The following RERE variants were observed in gnomAD, a reference collection of about 807,000 sequenced individuals.
RERE encodes arginine-glutamic acid dipeptide repeats, also known as arginine-glutamic acid dipeptide repeats protein.
Under a neutral mutation model 146.1 loss-of-function variants are expected in RERE, and 40 were observed. That is an observed-to-expected ratio of 0.27 (90% CI 0.21 to 0.36). The LOEUF (loss-of-function observed/expected upper bound fraction) is 0.36. Ranked by LOEUF, RERE falls within the 10% of genes least tolerant of loss-of-function variation. The pLI is 1.00. For missense variants in RERE, 1,933 were observed against 2,138.7 expected (o/e 0.90, Z 1.90); for synonymous variants, 1,003 against 866.0 (o/e 1.16, Z -2.78).
At chr1:8,620,577 G>A (rs2124214361) in intron 3 of RERE, among the ~76,000 whole-genome samples, 1 of 152,022 alleles carries the variant, frequency 6.6e-6, no homozygotes, top group South Asian at 2.1e-4. Flanking sequence ...ATGAAATTTG[G>A]CTCAATTAAT....
rs891021913 is a variant in RERE, at chr1:8,423,791, G to C, written c.1204-984C>G. On this transcript the variant is annotated intron_variant, in intron 11 of 22. Coordinates refer to ENST00000400908, the MANE Select transcript of RERE (RefSeq NM_001042681.2). The surrounding 1 kb of genome is among the most constrained non-coding windows in gnomAD (Gnocchi z 5.4). ...CTGACGGGGGAGGAGGCAGGAGCGC[G>C]GCGCGCAGAGCCCGGCGCGGCCGCG... 2 of 697,972 alleles carry C rather than the reference G, an allele frequency of 2.9e-6. No homozygotes were observed. The highest frequency in any genetic ancestry group is 3.5e-6 in the Non-Finnish European group (2 of 570,736). The allele number at this position is 697,972 out of a possible 1,614,324, so 43.2% of individuals were successfully genotyped here.
At chr1:8,631,284 C>T (rs907397096) in intron 2 of RERE, among the ~76,000 whole-genome samples, 1 of 152,186 alleles carries the variant, frequency 6.6e-6, no homozygotes, top group African/African-American at 2.4e-5. Context: ...CCTGTAATTC[C>T]AGCACTTTGG....
intron 12 of RERE, among the ~76,000 whole-genome samples, chr1:8,393,280 TC>T (rs1171247569): frequency 6.6e-6 from 1 of 152,202 alleles, no homozygotes; most frequent in East Asian, 1.9e-4. Context: ...ATACAACAGT[TC>T]TTATTTCCGC....
rs1460439075 is a variant in RERE at position 8,817,639 on chromosome 1, C to A, written c.-624G>T. The A allele has an allele frequency of 6.6e-6, 1 of 151,072 alleles. No homozygotes were observed. Among genetic ancestry groups the A allele is most frequent in the African/African-American group, 2.4e-5 (1 of 41,252 alleles). The allele number at this position is 151,072 out of a possible 1,614,324, so 9.4% of individuals were successfully genotyped here. ...AGCGCGGAGGGTTGCTCGCGAGCGT[C>A]TGTGGGAACAGCGGCACCTCCGCGA... On this transcript the variant is annotated 5_prime_UTR_variant, in exon 1 of 23. Coordinates refer to ENST00000400908, the MANE Select transcript of RERE (RefSeq NM_001042681.2).
At chr1:8,701,330 A>ACT in intron 1 of RERE, among the ~76,000 whole-genome samples, 1 of 126,224 alleles carries the variant, frequency 7.9e-6, no homozygotes, top group Admixed American at 7.8e-5. Context: ...ACACGCACAC[A>ACT]CTCCCTCCCT....
chr1:8,355,557 G>C lies in RERE; in HGVS notation c.4529C>G (p.Pro1510Arg). The C allele has an allele frequency of 1.2e-6, 2 of 1,605,160 alleles. No homozygotes were observed. Among genetic ancestry groups the C allele is most frequent in the Non-Finnish European group, 1.7e-6 (2 of 1,175,110 alleles). The change falls in exon 22 of 23, where the codon CCC becomes CGC. Residue 1510 changes from proline to arginine, a missense_variant. Coordinates refer to ENST00000400908, the MANE Select transcript of RERE (RefSeq NM_001042681.2). ...CTGCAGCTGGTGGGCTGCTGACATG[G>C]GGGGTGGGATGGCCCCAGGCAGGTC... ...PRDLPGAIPP[P>R]MSAAHQLQAM... is the part of the protein sequence containing the mutation.
At chr1:8,678,992 C>T (rs1638906083) in intron 1 of RERE, among the ~76,000 whole-genome samples, 1 of 152,144 alleles carries the variant, frequency 6.6e-6, no homozygotes, top group African/African-American at 2.4e-5. Flanking sequence ...TTAAAATGTA[C>T]TTTCTAGGTC....
chr1:8,409,658 C>CAAAAG (rs1215503751), intron 12 of RERE, among the ~76,000 whole-genome samples: 1 of 152,154 alleles, frequency 6.6e-6, no homozygotes, highest in Non-Finnish European at 1.5e-5. Flanking sequence ...TGATTTGAAA[C>CAAAAG]AAAAGCAGCA....
intron 1 of RERE, among the ~76,000 whole-genome samples, chr1:8,765,686 G>C (rs1474470947): frequency 1.3e-5 from 2 of 152,204 alleles, no homozygotes; most frequent in African/African-American, 2.4e-5. Flanking sequence ...AGGCGAGGTA[G>C]CTCATACCTG....
intron 1 of RERE, among the ~76,000 whole-genome samples, chr1:8,799,889 A>G (rs1236374760): frequency 2.0e-5 from 3 of 151,652 alleles, no homozygotes; most frequent in Non-Finnish European, 4.4e-5. Context: ...TCCGCTCACC[A>G]CAACCTCCAT....
At chr1:8,534,446 T>G (rs141444913) in intron 7 of RERE, among the ~76,000 whole-genome samples, 1 of 152,294 alleles carries the variant, frequency 6.6e-6, no homozygotes, top group African/African-American at 2.4e-5. Context: ...TACAAAACTA[T>G]AGGTGCAAGT....
At chr1:8,569,151 AAAGG>A (rs1172367859) in intron 4 of RERE, among the ~76,000 whole-genome samples, 1 of 152,120 alleles carries the variant, frequency 6.6e-6, no homozygotes, top group Non-Finnish European at 1.5e-5. Context: ...TTTCTCCCAT[AAAGG>A]AAGAAAAAAA....
intron 1 of RERE, among the ~76,000 whole-genome samples, chr1:8,724,093 T>C (rs1207788293): frequency 6.6e-6 from 1 of 152,248 alleles, no homozygotes; most frequent in East Asian, 1.9e-4. Flanking sequence ...TTACCAAAGA[T>C]ATTCTATCCC....
chr1:8,650,814 T>C (rs561752200), intron 2 of RERE, among the ~76,000 whole-genome samples: 65 of 151,972 alleles, frequency 4.3e-4, no homozygotes, highest in Non-Finnish European at 7.4e-4. Context: ...GGAGAATCGC[T>C]TGAACCCAGG....
At chr1:8,778,288 T>A (rs1394887976) in intron 1 of RERE, among the ~76,000 whole-genome samples, 1 of 152,190 alleles carries the variant, frequency 6.6e-6, no homozygotes, top group East Asian at 1.9e-4. Context: ...AAATTTACAA[T>A]AAATTACCTG....
intron 1 of RERE, among the ~76,000 whole-genome samples, chr1:8,701,422 G>A (rs1427856269): frequency 6.6e-6 from 1 of 151,528 alleles, no homozygotes; most frequent in Non-Finnish European, 1.5e-5. Flanking sequence ...CACACACAAA[G>A]GAAGTGGTAC....
At chr1:8,692,975 A>G (rs1639241084) in intron 1 of RERE, among the ~76,000 whole-genome samples, 1 of 152,222 alleles carries the variant, frequency 6.6e-6, no homozygotes, top group South Asian at 2.1e-4. Context: ...CTCCTGCTCC[A>G]TGACAAATAG....
At chr1:8,475,469 G>A (rs974650378) in intron 10 of RERE, among the ~76,000 whole-genome samples, 2 of 151,738 alleles carry the variant, frequency 1.3e-5, no homozygotes, top group African/African-American at 4.8e-5. Flanking sequence ...CTTGAGGTCA[G>A]GAGTTTGAGA....
intron 4 of RERE, among the ~76,000 whole-genome samples, chr1:8,584,418 AG>A (rs1167630617): frequency 6.6e-6 from 1 of 152,082 alleles, no homozygotes; most frequent in Non-Finnish European, 1.5e-5. Flanking sequence ...ATGATGGTGT[AG>A]GCCTGTAGTC....
Sources: gnomAD v4.1 joint callset for allele counts (sites outside exome capture counted in the v4.1 genomes callset) on GRCh38, gnomAD v4.1.1 for gene constraint, Gnocchi (gnomAD v3.1) non-coding constraint, MANE v1.5 for transcripts, NCBI Gene and HGNC (gene_info 2026-07-23, HGNC 2026-07-21) for gene names.